Variants in EDAR observed in about 807,000 individuals in gnomAD.
The protein encoded by EDAR is tumor necrosis factor receptor superfamily member EDAR.
EDAR carries 38 observed loss-of-function variants against 51.3 expected under a neutral mutation model. That is an observed-to-expected ratio of 0.74 (90% confidence interval 0.57 to 0.97). The LOEUF (loss-of-function observed/expected upper bound fraction) is 0.97, where lower values mean the gene tolerates loss of function less well. Ranked by LOEUF, EDAR falls within the 50% of genes least tolerant of loss-of-function variation. The probability of loss-of-function intolerance (pLI) is 0.00; values close to 1 mark genes in which losing one functional copy is unlikely to be tolerated. For missense variants in EDAR, 528 were observed against 595.0 expected (o/e 0.89, Z 1.17); for synonymous variants, 227 against 242.1 (o/e 0.94, Z 0.58).
At chr2:108,928,164 C>T (rs1030006793) in intron 4 of EDAR, among the ~76,000 whole-genome samples, 1 of 152,202 alleles carries the variant, frequency 6.6e-6, no homozygotes, top group Non-Finnish European at 1.5e-5. Flanking sequence ...AGGTGTACAA[C>T]TCTTGCTCTG....
intron 1 of EDAR, among the ~76,000 whole-genome samples, chr2:108,938,498 C>T (rs1001621823): frequency 2.0e-5 from 3 of 152,178 alleles, no homozygotes; most frequent in African/African-American, 4.8e-5. Context: ...ACGAAAATAA[C>T]GTGGCTTGCA....
At chr2:108,943,690 CCTTTCTTGGCT>C (rs1452595285) in intron 1 of EDAR, among the ~76,000 whole-genome samples, 1 of 152,180 alleles carries the variant, frequency 6.6e-6, no homozygotes, top group African/African-American at 2.4e-5. Flanking sequence ...CAGCAGCCAT[CCTTTCTTGGCT>C]CTTTCTTGGT....
chr2:108,973,732 AT>A (rs887855315), intron 1 of EDAR, among the ~76,000 whole-genome samples: 1 of 152,170 alleles, frequency 6.6e-6, no homozygotes. Flanking sequence ...AAACCTGGAA[AT>A]TTTTTGGCTG....
intron 1 of EDAR, among the ~76,000 whole-genome samples, chr2:108,962,255 T>TTCA (rs1346778252): frequency 6.6e-6 from 1 of 152,184 alleles, no homozygotes; most frequent in African/African-American, 2.4e-5. Flanking sequence ...TGAACCAACG[T>TTCA]TCATTCGCAG....
chr2:108,945,974 G>A (rs1251550618), intron 1 of EDAR, among the ~76,000 whole-genome samples: 2 of 152,156 alleles, frequency 1.3e-5, no homozygotes, highest in East Asian at 1.9e-4. Context: ...ATAAAAGACA[G>A]TTCAAGCAAA....
chr2:108,937,840 G>A (rs1196280185), intron 1 of EDAR, among the ~76,000 whole-genome samples: 1 of 152,192 alleles, frequency 6.6e-6, no homozygotes, highest in African/African-American at 2.4e-5. Context: ...AGGCACAGAT[G>A]AGGGCAAACC....
intron 1 of EDAR, among the ~76,000 whole-genome samples, chr2:108,981,298 C>A (rs1336507146): frequency 1.3e-5 from 2 of 152,206 alleles, no homozygotes; most frequent in African/African-American, 4.8e-5. Context: ...CAGAGCCGCA[C>A]CCGCCCCAGG....
chr2:108,940,724 C>T lies in EDAR; in HGVS notation c.-18-9692G>A, dbSNP rs1012074536. ...CACCACGCGATGACGTGGGTCTGAACGGGGCAGGCTTCCAGGGGCAACAGT... is the reference window on the plus strand; with the variant it reads ...CACCACGCGATGACGTGGGTCTGAATGGGGCAGGCTTCCAGGGGCAACAGT... On this transcript the variant is annotated intron_variant, in intron 1 of 11. Transcript: ENST00000258443. 4.6e-5 allele frequency among the ~76,000 whole-genome samples: 7 copies of T among 152,216 alleles called. No homozygotes were observed. The South Asian group carries it at 8.3e-4, about 18-fold the overall frequency.
chr2:108,936,057 G>C (rs903580491), intron 1 of EDAR, among the ~76,000 whole-genome samples: 2 of 152,220 alleles, frequency 1.3e-5, no homozygotes, highest in African/African-American at 4.8e-5. Flanking sequence ...AGGAGAAGCA[G>C]AGTCACTGCC....
At chr2:108,981,658 G>A (rs951637506) in intron 1 of EDAR, among the ~76,000 whole-genome samples, 29 of 152,068 alleles carry the variant, frequency 1.9e-4, no homozygotes, top group Non-Finnish European at 3.2e-4. Flanking sequence ...CCCCACACCC[G>A]AGATAGTTAT....
intron 1 of EDAR, among the ~76,000 whole-genome samples, chr2:108,988,504 G>T (rs953296567): frequency 6.6e-6 from 1 of 152,244 alleles, no homozygotes; most frequent in Admixed American, 6.5e-5. Flanking sequence ...GACACGACTG[G>T]AAACCCCACT....
chr2:108,940,798 C>T (rs999589710), intron 1 of EDAR, among the ~76,000 whole-genome samples: 1 of 152,224 alleles, frequency 6.6e-6, no homozygotes, highest in African/African-American at 2.4e-5. Flanking sequence ...TCCCCAAGAA[C>T]CTACAAGTTG....
intron 1 of EDAR, among the ~76,000 whole-genome samples, chr2:108,954,004 T>C (rs951917408): frequency 6.6e-6 from 1 of 152,186 alleles, no homozygotes; most frequent in Non-Finnish European, 1.5e-5. Flanking sequence ...ATGATAAGTC[T>C]TCTAGGGTCA....
In EDAR at chr2:108,895,882, G is replaced by T. The variant is rs1047259835; in HGVS notation, c.*1025C>A. The T allele has an allele frequency of 1.3e-5, 2 of 152,230 alleles. No homozygotes were observed. Among genetic ancestry groups the T allele is most frequent in the Non-Finnish European group, 2.9e-5 (2 of 68,050 alleles). The allele number at this position is 152,230 out of a possible 1,614,324, so 9.4% of individuals were successfully genotyped here. On this transcript the variant is annotated 3_prime_UTR_variant, in exon 12 of 12. Coordinates refer to ENST00000258443, the MANE Select transcript of EDAR (RefSeq NM_022336.4). ...CCATGAGGCTAATCCACAAGTCTTA[G>T]ATGCTCTTGAAATCTAGAATTATGC...
rs111900269 is a variant in EDAR, at chr2:108,922,834, A to G, written c.442+534T>C. ...AGGTACCTGGCCCTTCGTCATAAAC[A>G]GATGCCCATGAAAGCCAGAAAGGAT... On this transcript the variant is annotated intron_variant, in intron 5 of 11. Transcript: ENST00000258443. Among the ~76,000 whole-genome samples the G allele has an allele frequency of 1.0e-3, 153 of 152,294 alleles. 2 individuals carry two copies. The highest frequency in any genetic ancestry group is 3.5e-3 in the African/African-American group (145 of 41,568).
intron 1 of EDAR, among the ~76,000 whole-genome samples, chr2:108,943,646 C>G (rs1697652862): frequency 6.6e-6 from 1 of 152,192 alleles, no homozygotes; most frequent in African/African-American, 2.4e-5. Context: ...AGCGAAGACT[C>G]CGCGTATTTT....
chr2:108,925,711 A>G (rs1356768546), intron 4 of EDAR, among the ~76,000 whole-genome samples: 1 of 152,046 alleles, frequency 6.6e-6, no homozygotes, highest in Non-Finnish European at 1.5e-5. Flanking sequence ...TCCGCCTCCC[A>G]GGTGCAAACA....
intron 1 of EDAR, among the ~76,000 whole-genome samples, chr2:108,959,585 AG>A (rs1211536332): frequency 1.3e-5 from 2 of 152,134 alleles, no homozygotes; most frequent in Admixed American, 6.5e-5. Flanking sequence ...CATGGGGCTG[AG>A]GGGAGCTGGG....
At chr2:108,971,356 C>A (rs1245449570) in intron 1 of EDAR, among the ~76,000 whole-genome samples, 1 of 152,050 alleles carries the variant, frequency 6.6e-6, no homozygotes, top group African/African-American at 2.4e-5. Context: ...TCAGGCCGCA[C>A]CCGAGACCTC....
Sources: allele counts gnomAD v4.1 joint callset (sites outside exome capture counted in the v4.1 genomes callset), GRCh38; gene constraint gnomAD v4.1.1; transcripts MANE v1.5; gene names NCBI Gene and HGNC (gene_info 2026-07-23, HGNC 2026-07-21).